Variants in SPG7 observed in about 807,000 individuals in gnomAD.
SPG7 encodes the protein mitochondrial inner membrane m-AAA protease component paraplegin.
In SPG7, 103 loss-of-function variants were observed where a neutral mutation model predicts 81.9. The ratio of observed to expected loss-of-function variants is 1.26; its 90% CI spans 1.07 to 1.48. The LOEUF (loss-of-function observed/expected upper bound fraction) is 1.48, where lower values mean the gene tolerates loss of function less well. SPG7 is among the 40% of genes most tolerant of loss of function. SPG7 has a pLI of 0.00. For missense variants in SPG7, 1,241 were observed against 1,087.3 expected (o/e 1.14, Z -1.99); for synonymous variants, 534 against 444.2 (o/e 1.20, Z -2.54).
At chr16:89,548,257 G>T in intron 12 of SPG7, 144 bp downstream of exon 12, 1 of 656,304 alleles carries the variant, frequency 1.5e-6, no homozygotes, top group Non-Finnish European at 2.8e-6. Flanking sequence ...CGTAACTCAT[G>T]TCTTTATGAT....
intron 15 of SPG7, 114 bp downstream of exon 15, chr16:89,554,074 C>G: frequency 8.9e-7 from 1 of 1,128,900 alleles, no homozygotes; most frequent in Admixed American, 2.2e-5. Context: ...CTGCAGGCCC[C>G]ACCTGGGTTT....
At position 89,529,587 on chromosome 16, in the gene SPG7, C is replaced by G. The variant is rs375603789; in HGVS notation, c.861+8C>G. ...GGTGGATTCAGTGCTTTTGTAAGTT[C>G]TGTAAATCAGAGCTCTCTGAACTCT... is the stretch of plus-strand genomic sequence containing the variant. On this transcript the variant is annotated splice_region_variant and intron_variant, in intron 6 of 16. Coordinates refer to ENST00000645818, the MANE Select transcript of SPG7 (RefSeq NM_003119.4). The G allele has an allele frequency of 1.3e-4, 211 of 1,593,850 alleles. No individual in the cohort carries two copies. Among genetic ancestry groups the G allele is most frequent in the South Asian group, 1.3e-3 (114 of 90,480 alleles).
At chr16:89,552,782 G>C in intron 13 of SPG7, 197 bp from the exon 14 acceptor site, 3 of 626,290 alleles carry the variant, frequency 4.8e-6, no homozygotes, top group South Asian at 3.5e-5. Context: ...GTGTGAACAG[G>C]CACCTGTGGT....
chr16:89,523,808 A>C (rs2058224588), intron 3 of SPG7, 198 bp from the exon 4 acceptor site: 1 of 742,544 alleles, frequency 1.3e-6, no homozygotes, highest in Non-Finnish European at 2.4e-6. Context: ...CAGCGAATGA[A>C]GTGTGGGTGA....
At chr16:89,521,386 A>G (rs2058185833) in intron 3 of SPG7, 1 of 152,244 alleles carries the variant, frequency 6.6e-6, no homozygotes, top group African/African-American at 2.4e-5. Flanking sequence ...GAGAAGGGCT[A>G]CACGTTTGTG....
chr16:89,530,386 C>T (rs538556521), intron 6 of SPG7: 26 of 432,918 alleles, frequency 6.0e-5, no homozygotes, highest in African/African-American at 4.8e-4. Flanking sequence ...CCTCGTGATC[C>T]GCCCATCTCG....
At chr16:89,522,487 C>T (rs901205229) in intron 3 of SPG7, 2 of 151,826 alleles carry the variant, frequency 1.3e-5, no homozygotes, top group Admixed American at 6.6e-5. Flanking sequence ...ACGTCGTTAC[C>T]ACCGCTGGGT....
At chr16:89,546,526 AAC>A in intron 10 of SPG7, 130 bp from the exon 11 acceptor site, 1 of 771,550 alleles carries the variant, frequency 1.3e-6, no homozygotes, top group African/African-American at 1.7e-5. Context: ...AAAAATACAA[AAC>A]TCAGGCATGA....
intron 16 of SPG7, chr16:89,555,874 C>CA (rs1325118789): frequency 1.5e-5 from 6 of 398,630 alleles, no homozygotes; most frequent in African/African-American, 1.2e-4. Context: ...TTGTGTCTTT[C>CA]AAGCGAGCAC....
rs371953424 is a variant in SPG7, at chr16:89,524,211, C to T, written c.582C>T (p.Val194=). Residue 194 remains valine (V), a synonymous_variant, in exon 4 of 17, where the codon GTC becomes GTT. Transcript: ENST00000645818. ...QVVPESDVVE[V]YLHPGAVVFG... ...TGCCTGAGAGCGACGTGGTGGAAGT[C>T]TACCTGCACCCTGGAGCCGTGGTGT... 50 of 1,613,124 alleles carry T rather than the reference C, an allele frequency of 3.1e-5. No individual in the cohort carries two copies. Among genetic ancestry groups the T allele is most frequent in the Non-Finnish European group, 4.2e-5 (50 of 1,179,746 alleles).
chr16:89,526,044 G>T (rs1597623714), intron 4 of SPG7, among the ~76,000 whole-genome samples: 1 of 152,206 alleles, frequency 6.6e-6, no homozygotes, highest in African/African-American at 2.4e-5. Flanking sequence ...AAGTACAGAT[G>T]TTCCTTGAAT....
rs750725796 is a variant in SPG7 at position 89,544,747 on chromosome 16, T to G, written c.1424T>G (p.Val475Gly). ...LMRPGRLDRH[V>G]FIDLPTLQER... The stretch of plus-strand genomic sequence containing the variant: ...AGGCCAGGCCGACTGGACCGGCACG[T>G]CTTCATTGATCTCCCCACGCTGCAG... The change falls in exon 10 of 17, where the codon GTC (valine) becomes GGC (glycine). Residue 475 changes from valine to glycine, a missense_variant. Val to Gly is a moderately radical substitution (Grantham distance 109, BLOSUM62 -3). Transcript: ENST00000645818. 1.9e-6 allele frequency: 3 copies of G among 1,614,104 alleles called. No individual in the cohort carries two copies. The highest frequency in any genetic ancestry group is 1.1e-5 in the South Asian group (1 of 91,086).
chr16:89,537,502 A>T (rs1257319159), intron 9 of SPG7: 7 of 998,884 alleles, frequency 7.0e-6, no homozygotes, highest in Non-Finnish European at 7.2e-6. Flanking sequence ...AGCCACACAC[A>T]GAAAAGGCTG....
chr16:89,544,563 C>T, intron 9 of SPG7, 85 bp from the exon 10 acceptor site: 1 of 1,534,138 alleles, frequency 6.5e-7, no homozygotes, highest in African/African-American at 1.4e-5. Flanking sequence ...TCTCTCCCTC[C>T]TGTGTCCTGA....
rs976732517 is a variant in SPG7, at chr16:89,532,451, G to A, written c.1151-12G>A. ...AACTGCCCATTTCCTGATTCTCTCT[G>A]TGTCCCCTCAGGCCTCGGCGCTGCC... On this transcript the variant is annotated splice_polypyrimidine_tract_variant and intron_variant, in intron 8 of 16. Coordinates refer to ENST00000645818, the MANE Select transcript of SPG7 (RefSeq NM_003119.4). 6.2e-7 allele frequency: 1 copy of A among 1,613,090 alleles called. No individual in the cohort carries two copies. The highest frequency in any genetic ancestry group is 8.5e-7 in the Non-Finnish European group (1 of 1,179,986).
chr16:89,550,277 A>AT (rs2058619541), intron 12 of SPG7: 3 of 514,618 alleles, frequency 5.8e-6, no homozygotes, highest in South Asian at 5.6e-5. Context: ...GGTTCAAGTG[A>AT]TTCTCTTGCC....
chr16:89,508,536 G>A lies in SPG7; in HGVS notation c.119G>A (p.Gly40Glu). ...GGGTTCCCCGCCAGGCCCGGGAGGG[G>A]GCGGCCGTACATGGCCAGCAGGCCT... The part of the protein sequence containing the change: ...SPGFPARPGR[G>E]RPYMASRPPG... The change falls in exon 1 of 17, where the codon GGG becomes GAG. Residue 40 changes from glycine to glutamate, a missense_variant. By Grantham distance (98) the Gly-to-Glu change is moderately conservative. Transcript: ENST00000645818. The A allele has an allele frequency of 6.6e-7, 1 of 1,512,682 alleles. No homozygotes were observed. Among genetic ancestry groups the A allele is most frequent in the Non-Finnish European group, 8.8e-7 (1 of 1,135,992 alleles). The allele number at this position is 1,512,682 out of a possible 1,614,324, so 93.7% of individuals were successfully genotyped here. A position where few individuals can be genotyped will look rare whatever the true frequency, so the allele number is the denominator to read the frequency against.
At chr16:89,553,409 T>C (rs2058656403) in intron 14 of SPG7, 9 of 534,582 alleles carry the variant, frequency 1.7e-5, no homozygotes, top group Admixed American at 1.2e-4. Context: ...GGAATAAAAT[T>C]GAAGCGGCTT....
intron 16 of SPG7, 48 bp from the exon 17 acceptor site, chr16:89,556,839 C>A: frequency 1.4e-6 from 2 of 1,430,930 alleles, no homozygotes; most frequent in Non-Finnish European, 2.0e-6. Context: ...CATAGAGATG[C>A]TCTGTCTGCC....
Sources: allele counts gnomAD v4.1 joint callset (sites outside exome capture counted in the v4.1 genomes callset), GRCh38; gene constraint gnomAD v4.1.1; transcripts MANE v1.5; gene names NCBI Gene and HGNC (gene_info 2026-07-23, HGNC 2026-07-21).